The following ZDHHC14 variants were observed in gnomAD, a reference collection of about 807,000 sequenced individuals.
The protein encoded by ZDHHC14 is palmitoyltransferase ZDHHC14.
ZDHHC14 carries 16 observed loss-of-function variants against 47.7 expected under a neutral mutation model. The ratio of observed to expected loss-of-function variants is 0.34; its 90% CI spans 0.23 to 0.51. The LOEUF (loss-of-function observed/expected upper bound fraction) is 0.51. ZDHHC14 is among the 20% of genes least tolerant of loss of function. ZDHHC14 has a pLI of 0.97. For synonymous variants in ZDHHC14, 293 were observed against 278.9 expected (o/e 1.05, Z -0.50); for missense variants, 515 against 662.5 (o/e 0.78, Z 2.44).
chr6:157,458,068 C>T (rs564895726), intron 1 of ZDHHC14, among the ~76,000 whole-genome samples: 10 of 152,320 alleles, frequency 6.6e-5, no homozygotes, highest in Admixed American at 2.6e-4. Context: ...TACTCTCAGG[C>T]GGATATGCCT....
chr6:157,482,481 T>C (rs908471305), intron 1 of ZDHHC14, among the ~76,000 whole-genome samples: 4 of 152,024 alleles, frequency 2.6e-5, no homozygotes, highest in African/African-American at 7.2e-5. Flanking sequence ...CTCGAACTCC[T>C]GACCTCAGGT....
At chr6:157,598,896 A>G (rs764629262) in intron 3 of ZDHHC14, among the ~76,000 whole-genome samples, 7 of 152,236 alleles carry the variant, frequency 4.6e-5, no homozygotes, top group African/African-American at 1.7e-4. Context: ...CAGATATCAC[A>G]CTGAAAATGT....
intron 2 of ZDHHC14, among the ~76,000 whole-genome samples, chr6:157,552,350 G>T (rs928379148): frequency 1.3e-5 from 2 of 151,982 alleles, no homozygotes; most frequent in Non-Finnish European, 2.9e-5. Context: ...CAGGGCAGGC[G>T]GCACATTGGG....
chr6:157,676,371 G>C lies in ZDHHC14; in HGVS notation c.*3249G>C, dbSNP rs981357261. ...CAGCAAAATGCGAAATCTCTGTTCT[G>C]GCCCAGAATGGCACAAGGGAGGAGT... On this transcript the variant is annotated 3_prime_UTR_variant, in exon 9 of 9. Coordinates refer to ENST00000359775, the MANE Select transcript of ZDHHC14 (RefSeq NM_024630.3). 7.9e-5 allele frequency: 12 copies of C among 152,330 alleles called. No individual in the cohort carries two copies. Among genetic ancestry groups the C allele is most frequent in the African/African-American group, 2.7e-4 (11 of 41,466 alleles). 9.4% of individuals were successfully genotyped at this position (152,330 alleles called of 1,614,324 possible).
At chr6:157,434,195 TAG>T (rs1778394715) in intron 1 of ZDHHC14, among the ~76,000 whole-genome samples, 1 of 150,506 alleles carries the variant, frequency 6.6e-6, no homozygotes, top group South Asian at 2.1e-4. Flanking sequence ...TGACTTTTTT[TAG>T]AGAGAAGCTA....
At chr6:157,559,333 G>A (rs190931322) in intron 2 of ZDHHC14, among the ~76,000 whole-genome samples, 108 of 152,314 alleles carry the variant, frequency 7.1e-4, no homozygotes, top group African/African-American at 1.0e-3. Flanking sequence ...GGCAACAGTC[G>A]GCCCCGCTTC....
chr6:157,574,655 T>A (rs887882053), intron 2 of ZDHHC14, among the ~76,000 whole-genome samples: 4 of 152,166 alleles, frequency 2.6e-5, no homozygotes, highest in African/African-American at 9.7e-5. Flanking sequence ...CCTGCCTGGC[T>A]CTCATTCATT....
intron 2 of ZDHHC14, among the ~76,000 whole-genome samples, chr6:157,590,425 C>T (rs1783864482): frequency 6.6e-6 from 1 of 152,180 alleles, no homozygotes; most frequent in African/African-American, 2.4e-5. Context: ...GCCACTCCAG[C>T]CATGGTTAAA....
chr6:157,595,681 T>C (rs139779835), intron 3 of ZDHHC14, among the ~76,000 whole-genome samples: 2 of 152,302 alleles, frequency 1.3e-5, no homozygotes, highest in African/African-American at 2.4e-5. Flanking sequence ...AAGCCCCTTA[T>C]CACAGCTGTG....
rs149612616 is a variant in ZDHHC14 at position 157,633,026 on chromosome 6, C to T, written c.752+144C>T. 1.5e-3 allele frequency: 1,285 copies of T among 845,054 alleles called. 8 individuals are homozygous for T. The African/African-American group carries it at 0.018, about 12-fold the overall frequency. The allele number at this position is 845,054 out of a possible 1,614,324, so 52.3% of individuals were successfully genotyped here. A position where few individuals can be genotyped will look rare whatever the true frequency, so the allele number is the denominator to read the frequency against. ...AAGAACTCCCTCAGATTCACTGGCA[C>T]GAGTAGTAGCTTCTGACTACTTCCA... On this transcript the variant is annotated intron_variant, in intron 5 of 8. Coordinates refer to ENST00000359775, the MANE Select transcript of ZDHHC14 (RefSeq NM_024630.3).
chr6:157,490,095 T>C (rs141657464), intron 1 of ZDHHC14, among the ~76,000 whole-genome samples: 13,708 of 152,070 alleles, frequency 0.09, 1,033 homozygotes, highest in African/African-American at 0.2. Flanking sequence ...CCCCTCAGTT[T>C]CTAGATAGAG....
chr6:157,453,948 G>A (rs765007772), intron 1 of ZDHHC14, among the ~76,000 whole-genome samples: 9 of 152,098 alleles, frequency 5.9e-5, no homozygotes, highest in Non-Finnish European at 1.2e-4. Context: ...CCTTCTTAAT[G>A]TTTATCTTGA....
intron 1 of ZDHHC14, among the ~76,000 whole-genome samples, chr6:157,519,528 C>A (rs371214023): frequency 6.6e-6 from 1 of 152,116 alleles, no homozygotes; most frequent in African/African-American, 2.4e-5. Flanking sequence ...TAAAAGGTGC[C>A]GTCTTGGTTG....
At chr6:157,563,477 AGT>A (rs1782788424) in intron 2 of ZDHHC14, among the ~76,000 whole-genome samples, 1 of 152,030 alleles carries the variant, frequency 6.6e-6, no homozygotes, top group East Asian at 1.9e-4. Context: ...TGAAAGTGGG[AGT>A]GTGTGCTCTT....
At chr6:157,458,849 A>AT (rs750975822) in intron 1 of ZDHHC14, among the ~76,000 whole-genome samples, 19,098 of 81,062 alleles carry the variant, frequency 0.24, 3,512 homozygotes, top group African/African-American at 0.27. Context: ...ATGTGGGTGG[A>AT]TTTTTTTTTT....
intron 8 of ZDHHC14, among the ~76,000 whole-genome samples, chr6:157,653,860 G>C (rs558117228): frequency 1.3e-5 from 2 of 152,296 alleles, no homozygotes; most frequent in Middle Eastern, 3.4e-3. Flanking sequence ...CGCAGGGGAA[G>C]TCCACACACG....
At chr6:157,403,879 C>T (rs1467950663) in intron 1 of ZDHHC14, among the ~76,000 whole-genome samples, 2 of 152,256 alleles carry the variant, frequency 1.3e-5, no homozygotes, top group African/African-American at 2.4e-5. Context: ...CCCACTGCGG[C>T]TGCTGCTAAA....
intron 2 of ZDHHC14, among the ~76,000 whole-genome samples, chr6:157,574,417 C>T (rs1001449322): frequency 1.4e-4 from 21 of 152,060 alleles, no homozygotes; most frequent in African/African-American, 1.9e-4. Context: ...AGTGAGACTC[C>T]GTCTCAAATA....
At chr6:157,508,327 A>T (rs1321622708) in intron 1 of ZDHHC14, among the ~76,000 whole-genome samples, 7 of 151,838 alleles carry the variant, frequency 4.6e-5, no homozygotes, top group Non-Finnish European at 2.9e-5. Flanking sequence ...TCTATCTGAA[A>T]CTTCTTTTGT....
Sources: gnomAD v4.1 joint callset for allele counts (sites outside exome capture counted in the v4.1 genomes callset) on GRCh38, gnomAD v4.1.1 for gene constraint, MANE v1.5 for transcripts, NCBI Gene and HGNC (gene_info 2026-07-23, HGNC 2026-07-21) for gene names.